The following CACNA1B variants were observed in gnomAD, a reference collection of about 807,000 sequenced individuals.
CACNA1B encodes calcium voltage-gated channel subunit alpha1 B, also known as voltage-dependent N-type calcium channel subunit alpha-1B.
Under a neutral mutation model 247.2 loss-of-function variants are expected in CACNA1B, and 70 were observed. The observed-to-expected ratio is 0.28, with a 90% confidence interval of 0.23 to 0.35. CACNA1B has a LOEUF of 0.35. CACNA1B is among the 10% of genes least tolerant of loss of function. The pLI is 1.00. For missense variants in CACNA1B, 2,367 were observed against 3,197.4 expected (o/e 0.74, Z 6.26); for synonymous variants, 1,231 against 1,294.4 (o/e 0.95, Z 1.05).
At chr9:138,027,173 CATCAGAT>C (rs1958931451) in intron 20 of CACNA1B, among the ~76,000 whole-genome samples, 3 of 152,116 alleles carry the variant, frequency 2.0e-5, no homozygotes, top group African/African-American at 7.2e-5. Flanking sequence ...ACAAGTCTTT[CATCAGAT>C]ATGTGTTTTT....
chr9:137,988,069 G>T (rs1012954696), intron 15 of CACNA1B, among the ~76,000 whole-genome samples: 1 of 152,088 alleles, frequency 6.6e-6, no homozygotes, highest in Non-Finnish European at 1.5e-5. Flanking sequence ...TGAAAGCCTC[G>T]GCTGCTCACA....
rs1048059578 is a variant in CACNA1B at position 138,007,416 on chromosome 9, G to A, written c.2092+532G>A. Among the ~76,000 whole-genome samples the A allele has an allele frequency of 1.2e-4, 10 of 82,196 alleles. No individual in the cohort carries two copies. Among genetic ancestry groups the A allele is most frequent in the Non-Finnish European group, 2.1e-4 (10 of 48,012 alleles). The allele number at this position is 82,196 out of a possible 152,430, so 53.9% of individuals were successfully genotyped here. ...CCGGTGGTGAGCTCTGCCCTAGCAAGGGACCATGATAGGGACAGGGCTGTG... is the reference window on the plus strand; with the variant it reads ...CCGGTGGTGAGCTCTGCCCTAGCAAAGGACCATGATAGGGACAGGGCTGTG... On this transcript the variant is annotated intron_variant, in intron 16 of 46. Coordinates refer to ENST00000371372, the MANE Select transcript of CACNA1B (RefSeq NM_000718.4). This position sits in a 1 kb window ranked among gnomAD's most constrained non-coding sequence, Gnocchi z 4.1.
At chr9:138,063,185 T>G (rs1959794559) in intron 31 of CACNA1B, among the ~76,000 whole-genome samples, 1 of 151,886 alleles carries the variant, frequency 6.6e-6, no homozygotes, top group African/African-American at 2.4e-5. Context: ...TCTCAGGGCT[T>G]TGGGAGGCCA....
chr9:138,075,407 A>C (rs894375600), intron 34 of CACNA1B, among the ~76,000 whole-genome samples: 3 of 152,234 alleles, frequency 2.0e-5, no homozygotes, highest in Admixed American at 2.0e-4. Context: ...ATGGCTAAAA[A>C]GCCCGTTGTA....
chr9:138,008,318 G>C (rs962386679), intron 16 of CACNA1B, among the ~76,000 whole-genome samples: 18 of 152,234 alleles, frequency 1.2e-4, no homozygotes. Context: ...CTGAGGCCAG[G>C]CATGCTGGCC....
At chr9:138,062,208 C>A (rs546556253) in intron 31 of CACNA1B, among the ~76,000 whole-genome samples, 1 of 152,162 alleles carries the variant, frequency 6.6e-6, no homozygotes, top group African/African-American at 2.4e-5. Context: ...GTTTTCCCCC[C>A]CACACAGAGC....
rs1957383360 is a variant in CACNA1B, at chr9:137,913,837, C to A, written c.622+566C>A. Among the ~76,000 whole-genome samples the A allele has an allele frequency of 6.6e-6, 1 of 152,164 alleles. No individual in the cohort carries two copies. Among genetic ancestry groups the A allele is most frequent in the African/African-American group, 2.4e-5 (1 of 41,428 alleles). On this transcript the variant is annotated intron_variant, in intron 4 of 46. Coordinates refer to ENST00000371372, the MANE Select transcript of CACNA1B (RefSeq NM_000718.4). The surrounding 1 kb of genome is among the most constrained non-coding windows in gnomAD (Gnocchi z 5.2). ...GTCTGGTTTTAGGTTTACCTAAGGG[C>A]CTGAGTGGACATGGAACTAGAGCTG... is the stretch of plus-strand genomic sequence containing the variant.
intron 6 of CACNA1B, among the ~76,000 whole-genome samples, chr9:137,949,777 A>G (rs1266175989): frequency 1.3e-5 from 2 of 152,114 alleles, no homozygotes; most frequent in East Asian, 3.9e-4. Context: ...GGTCCACCCC[A>G]CATTACAGAG....
intron 42 of CACNA1B, among the ~76,000 whole-genome samples, chr9:138,117,442 C>A (rs1961913247): frequency 6.6e-6 from 1 of 152,200 alleles, no homozygotes; most frequent in African/African-American, 2.4e-5. Context: ...CTGTCCCAGC[C>A]TGTCCTCTCC....
In CACNA1B at chr9:138,014,996, C is replaced by T. The variant is rs765858236; in HGVS notation, c.2267+1761C>T. On this transcript the variant is annotated intron_variant, in intron 18 of 46. Coordinates refer to ENST00000371372, the MANE Select transcript of CACNA1B (RefSeq NM_000718.4). This position sits in a 1 kb window ranked among gnomAD's most constrained non-coding sequence, Gnocchi z 6.2. ...TGGCATCCTTGGGCACAGTGTACAT[C>T]GACACCACCTGTTGGCCTGAGCACC... is the stretch of plus-strand genomic sequence containing the variant. Among the ~76,000 whole-genome samples the T allele has an allele frequency of 3.0e-4, 46 of 152,186 alleles. No homozygotes were observed. Among genetic ancestry groups the T allele is most frequent in the Non-Finnish European group, 5.6e-4 (38 of 68,018 alleles).
rs145151950 is a variant in CACNA1B, at chr9:137,902,870, C to G, written c.531-10310C>G. On this transcript the variant is annotated intron_variant, in intron 3 of 46. Coordinates refer to ENST00000371372, the MANE Select transcript of CACNA1B (RefSeq NM_000718.4). ...TCACTGCACACAGATGTCTCAGCAT[C>G]TGATGTCCCGGCAACCCCCACTGCC... Among the ~76,000 whole-genome samples the G allele has an allele frequency of 2.8e-4, 43 of 152,368 alleles. No individual in the cohort carries two copies. The East Asian group carries it at 8.3e-3, about 29-fold the overall frequency.
Position 138,050,104 on chromosome 9 carries a change from C to T in CACNA1B, c.3710+789C>T, listed in dbSNP as rs982074982. ...TTCGTGGGGTAATGCCTTCTCTCCC[C>T]CACACGCTGCCCCTGACATCACAGC... is the stretch of plus-strand genomic sequence containing the variant. On this transcript the variant is annotated intron_variant, in intron 24 of 46. Coordinates refer to ENST00000371372, the MANE Select transcript of CACNA1B (RefSeq NM_000718.4). This position sits in a 1 kb window ranked among gnomAD's most constrained non-coding sequence, Gnocchi z 5.2. 7.8e-7 allele frequency: 1 copy of T among 1,288,090 alleles called. No individual in the cohort carries two copies. Among genetic ancestry groups the T allele is most frequent in the African/African-American group, 1.5e-5 (1 of 65,824 alleles). 79.8% of individuals were successfully genotyped at this position (1,288,090 alleles called of 1,614,324 possible). A position where few individuals can be genotyped will look rare whatever the true frequency, so the allele number is the denominator to read the frequency against.
chr9:138,094,457 A>AAAAAAAAGAAG (rs752912258), intron 36 of CACNA1B, among the ~76,000 whole-genome samples: 18 of 134,896 alleles, frequency 1.3e-4, no homozygotes, highest in African/African-American at 3.8e-4. Flanking sequence ...AAAAAAAAAA[A>AAAAAAAAGAAG]AAGAAGAAGA....
At chr9:137,921,675 A>G (rs1244166167) in intron 6 of CACNA1B, among the ~76,000 whole-genome samples, 5 of 145,980 alleles carry the variant, frequency 3.4e-5, no homozygotes, top group Non-Finnish European at 7.4e-5. Context: ...TCCTGGGAGC[A>G]GAGTAAAGCG....
At chr9:137,976,189 C>T (rs1397515992) in intron 12 of CACNA1B, among the ~76,000 whole-genome samples, 170 bp downstream of exon 12, 1 of 152,248 alleles carries the variant, frequency 6.6e-6, no homozygotes. Context: ...GAGGCCTGTC[C>T]TGGCGGGGCC....
intron 6 of CACNA1B, among the ~76,000 whole-genome samples, chr9:137,923,317 G>T (rs112130071): frequency 4.8e-5 from 7 of 145,904 alleles, no homozygotes; most frequent in Non-Finnish European, 8.9e-5. Flanking sequence ...GTAGTATTCC[G>T]TGGCTCCAGG....
Position 137,882,120 on chromosome 9 carries a change from G to A in CACNA1B, c.391-624G>A, listed in dbSNP as rs927390177. ...TTTCTGTTGTTTTCTGCCGAGATGTGCATGTTCTGGTTACCCGGGTGCATG... is the reference window on the plus strand; with the variant it reads ...TTTCTGTTGTTTTCTGCCGAGATGTACATGTTCTGGTTACCCGGGTGCATG... On this transcript the variant is annotated intron_variant, in intron 2 of 46. Coordinates refer to ENST00000371372, the MANE Select transcript of CACNA1B (RefSeq NM_000718.4). The surrounding 1 kb of genome is among the most constrained non-coding windows in gnomAD (Gnocchi z 4.0). Among the ~76,000 whole-genome samples the A allele has an allele frequency of 2.6e-5, 4 of 152,158 alleles. No individual in the cohort carries two copies. Among genetic ancestry groups the A allele is most frequent in the African/African-American group, 7.2e-5 (3 of 41,448 alleles).
intron 42 of CACNA1B, among the ~76,000 whole-genome samples, chr9:138,116,807 C>T (rs1961883056): frequency 6.6e-6 from 1 of 152,182 alleles, no homozygotes; most frequent in Admixed American, 6.5e-5. Flanking sequence ...CCTAACCACC[C>T]CTCCTCTCAG....
At chr9:138,047,616 T>G (rs769800305) in intron 23 of CACNA1B, among the ~76,000 whole-genome samples, 158 bp downstream of exon 23, 20 of 152,256 alleles carry the variant, frequency 1.3e-4, no homozygotes, top group Non-Finnish European at 2.9e-4. Context: ...CATGAACATG[T>G]GCACACAAAG....
Sources: allele counts gnomAD v4.1 joint callset (sites outside exome capture counted in the v4.1 genomes callset), GRCh38; gene constraint gnomAD v4.1.1; non-coding constraint Gnocchi (gnomAD v3.1); transcripts MANE v1.5; gene names NCBI Gene and HGNC (gene_info 2026-07-23, HGNC 2026-07-21).